PARD3: variants seen among roughly 807,000 people sequenced by gnomAD.
PARD3 encodes the protein par-3 family cell polarity regulator, also known as partitioning defective 3 homolog.
Under a neutral mutation model 155.4 loss-of-function variants are expected in PARD3, and 75 were observed. The observed-to-expected ratio is 0.48, with a 90% confidence interval of 0.40 to 0.58. The LOEUF is 0.58. PARD3 is among the 20% of genes least tolerant of loss of function. PARD3 has a pLI of 0.00. For synonymous variants in PARD3, 576 were observed against 610.5 expected, an observed-to-expected ratio of 0.94 and a Z score of 0.83; for missense variants, 1,642 against 1,721.7, an observed-to-expected ratio of 0.95 and a Z score of 0.82.
intron 5 of PARD3, among the ~76,000 whole-genome samples, chr10:34,439,242 T>C (rs1056499721): frequency 6.6e-6 from 1 of 152,218 alleles, no homozygotes; most frequent in East Asian, 1.9e-4. Flanking sequence ...AATAAAAAGC[T>C]AGGTCAGAAG....
chr10:34,176,950 TG>T (rs1359233036), intron 22 of PARD3, among the ~76,000 whole-genome samples: 10 of 33,924 alleles, frequency 2.9e-4, no homozygotes, highest in African/African-American at 1.7e-3. Context: ...AAGCAGGTTG[TG>T]TGTGTGTGTG....
At position 34,518,533 on chromosome 10, in the gene PARD3, T is replaced by A. The variant is rs544931175; in HGVS notation, c.223-1374A>T. Among the ~76,000 whole-genome samples, 3 of 152,316 alleles carry A rather than the reference T, an allele frequency of 2.0e-5. No individual in the cohort carries two copies. The East Asian group carries it at 5.8e-4, about 29-fold the overall frequency. On this transcript the variant is annotated intron_variant, in intron 2 of 24. Coordinates refer to ENST00000374788, the MANE Select transcript of PARD3 (RefSeq NM_001184785.2). ...GGTGTCAACCTGAAGGGGCTCCCAA[T>A]GGACAAAGCGGAGACAACTTACAAA... is the stretch of plus-strand genomic sequence containing the variant.
intron 2 of PARD3, among the ~76,000 whole-genome samples, chr10:34,576,748 G>A (rs879613528): frequency 4.6e-5 from 7 of 152,266 alleles, no homozygotes; most frequent in Middle Eastern, 6.8e-3. Context: ...CCAGTGTCAA[G>A]ATCTGAATAT....
chr10:34,459,012 A>T (rs578119919), intron 4 of PARD3, among the ~76,000 whole-genome samples: 1 of 152,224 alleles, frequency 6.6e-6, no homozygotes, highest in Non-Finnish European at 1.5e-5. Flanking sequence ...AATCTTGAAG[A>T]TCTTGACTCA....
At chr10:34,658,606 T>C (rs1341056920) in intron 2 of PARD3, among the ~76,000 whole-genome samples, 1 of 151,736 alleles carries the variant, frequency 6.6e-6, no homozygotes, top group Admixed American at 6.6e-5. Flanking sequence ...GGCCTAAAGA[T>C]GTGGACAGGG....
At position 34,494,181 on chromosome 10, in the gene PARD3, C is replaced by T. The variant is rs532073910; in HGVS notation, c.403+22798G>A. On this transcript the variant is annotated intron_variant, in intron 3 of 24. Coordinates refer to ENST00000374788, the MANE Select transcript of PARD3 (RefSeq NM_001184785.2). ...ACTCTATGGAATCCGGAAACACCTA[C>T]TGAAGAAACTGTTACTTGACCAGAT... Among the ~76,000 whole-genome samples the T allele has an allele frequency of 2.0e-5, 3 of 152,288 alleles. No individual in the cohort carries two copies. The South Asian group carries it at 6.2e-4, about 32-fold the overall frequency.
At chr10:34,308,327 G>A (rs988609921) in intron 20 of PARD3, among the ~76,000 whole-genome samples, 1 of 152,202 alleles carries the variant, frequency 6.6e-6, no homozygotes, top group Non-Finnish European at 1.5e-5. Flanking sequence ...GGAGCACAGT[G>A]AGAGGGCTAC....
chr10:34,761,488 T>C (rs1837432856), intron 1 of PARD3, among the ~76,000 whole-genome samples: 1 of 152,158 alleles, frequency 6.6e-6, no homozygotes, highest in Non-Finnish European at 1.5e-5. Flanking sequence ...TCTAGGCTAG[T>C]TTAAAACAAA....
intron 3 of PARD3, among the ~76,000 whole-genome samples, chr10:34,515,255 T>C (rs2081641654): frequency 6.6e-6 from 1 of 152,224 alleles, no homozygotes; most frequent in African/African-American, 2.4e-5. Flanking sequence ...AAAGCAAATC[T>C]AATGTAAGAA....
intron 2 of PARD3, among the ~76,000 whole-genome samples, chr10:34,553,719 G>T (rs543730650): frequency 1.1e-4 from 17 of 152,170 alleles, no homozygotes; most frequent in Admixed American, 3.3e-4. Flanking sequence ...TAGGAGAATG[G>T]TTTGGGTTTT....
chr10:34,182,439 C>T (rs1950308275), intron 22 of PARD3, among the ~76,000 whole-genome samples: 1 of 152,190 alleles, frequency 6.6e-6, no homozygotes, highest in Admixed American at 6.5e-5. Flanking sequence ...ATAAAAACAT[C>T]TCAAGAATTC....
Position 34,111,141 on chromosome 10 carries a change from C to T in PARD3, c.*28G>A, listed in dbSNP as rs191503984. On this transcript the variant is annotated 3_prime_UTR_variant, in exon 25 of 25. Transcript: ENST00000374788. The stretch of plus-strand genomic sequence containing the variant: ...TCATAGGAAAATGTCTTTTATTGCG[C>T]GACATGAAGCATCCGTTATTTGCGT... 5.3e-4 allele frequency: 800 copies of T among 1,516,102 alleles called. 2 individuals are homozygous for T. The African/African-American group carries it at 9.5e-3, about 18-fold the overall frequency. 93.9% of individuals were successfully genotyped at this position (1,516,102 alleles called of 1,614,324 possible). A position where few individuals can be genotyped will look rare whatever the true frequency, so the allele number is the denominator to read the frequency against.
intron 1 of PARD3, among the ~76,000 whole-genome samples, chr10:34,738,384 C>T (rs2094952858): frequency 6.6e-6 from 1 of 152,182 alleles, no homozygotes; most frequent in Non-Finnish European, 1.5e-5. Flanking sequence ...ACTATATTGC[C>T]CAGGCTGGTC....
chr10:34,492,729 C>G (rs959793539), intron 3 of PARD3, among the ~76,000 whole-genome samples: 8 of 151,998 alleles, frequency 5.3e-5, no homozygotes, highest in Admixed American at 4.6e-4. Flanking sequence ...TGTTGGGTAC[C>G]CTTAATCTAC....
intron 5 of PARD3, among the ~76,000 whole-genome samples, chr10:34,436,671 T>G (rs2132605693): frequency 6.6e-6 from 1 of 152,352 alleles, no homozygotes; most frequent in Admixed American, 6.5e-5. Flanking sequence ...TGCAGTATAT[T>G]TATGCAACAG....
At chr10:34,675,591 C>CT (rs112555249) in intron 2 of PARD3, 2,963 of 143,132 alleles carry the variant, frequency 0.021, 63 homozygotes, top group African/African-American at 0.054. Context: ...AATACCCCAA[C>CT]TTTTTTTTTT....
At chr10:34,743,255 G>C (rs1457147556) in intron 1 of PARD3, among the ~76,000 whole-genome samples, 1 of 152,138 alleles carries the variant, frequency 6.6e-6, no homozygotes, top group African/African-American at 2.4e-5. Context: ...TTCAACACCA[G>C]GTGACTGGTT....
In PARD3 at chr10:34,329,822, G is replaced by A. The variant is rs527332181; in HGVS notation, c.2833+1295C>T. On this transcript the variant is annotated intron_variant, in intron 19 of 24. Transcript: ENST00000374788. Reference sequence around the variant, plus strand: ...GTAGCAATCCTCTAAGTTATGCTTCGCATATTACATTATGACAGAAATATT... The same window carrying A: ...GTAGCAATCCTCTAAGTTATGCTTCACATATTACATTATGACAGAAATATT... 3.3e-5 allele frequency among the ~76,000 whole-genome samples: 5 copies of A among 152,090 alleles called. No homozygotes were observed. The East Asian group carries it at 7.7e-4, about 23-fold the overall frequency.
intron 2 of PARD3, among the ~76,000 whole-genome samples, chr10:34,526,996 A>AT (rs1356016897): frequency 6.6e-5 from 10 of 152,304 alleles, no homozygotes; most frequent in African/African-American, 2.4e-4. Context: ...TCTATACTTT[A>AT]TTTTTTGGCA....
Sources: gnomAD v4.1 joint callset for allele counts (sites outside exome capture counted in the v4.1 genomes callset) on GRCh38, gnomAD v4.1.1 for gene constraint, MANE v1.5 for transcripts, NCBI Gene and HGNC (gene_info 2026-07-23, HGNC 2026-07-21) for gene names.